Variants in PCDH15 observed in about 807,000 individuals in gnomAD.
PCDH15 encodes the protein protocadherin-15.
Under a neutral mutation model 178.5 loss-of-function variants are expected in PCDH15, and 129 were observed. The ratio of observed to expected loss-of-function variants is 0.72; its 90% CI spans 0.63 to 0.84. The LOEUF is 0.84. Ranked by LOEUF, PCDH15 falls within the 40% of genes least tolerant of loss-of-function variation. The pLI is 0.00. For missense variants in PCDH15, 2,230 were observed against 2,099.9 expected, an observed-to-expected ratio of 1.06 and a Z score of -1.21; for synonymous variants, 800 against 732.0, an observed-to-expected ratio of 1.09 and a Z score of -1.50.
chr10:54,660,007 A>G (rs2094466523), intron 2 of PCDH15, among the ~76,000 whole-genome samples: 1 of 152,110 alleles, frequency 6.6e-6, no homozygotes, highest in Non-Finnish European at 1.5e-5. Context: ...TAATAATCCA[A>G]TATCATACAT....
chr10:54,945,089 T>A (rs1052168815), intron 2 of PCDH15, among the ~76,000 whole-genome samples: 1 of 151,878 alleles, frequency 6.6e-6, no homozygotes, highest in Admixed American at 6.6e-5. Context: ...TTTGCATCAG[T>A]GGAATTTTTC....
chr10:53,994,249 A>G (rs1221867116), intron 21 of PCDH15, among the ~76,000 whole-genome samples: 1 of 152,192 alleles, frequency 6.6e-6, no homozygotes, highest in Non-Finnish European at 1.5e-5. Flanking sequence ...GGTCTGTCCC[A>G]TGTAGGTGAA....
At chr10:55,272,678 C>T (rs764743525) in intron 1 of PCDH15, among the ~76,000 whole-genome samples, 26 of 152,078 alleles carry the variant, frequency 1.7e-4, no homozygotes, top group East Asian at 1.4e-3. Flanking sequence ...TGAGCTTCTG[C>T]GCCTGGCCTA....
Position 55,473,817 on chromosome 10 carries a change from A to G in PCDH15, c.-156+153808T>C, listed in dbSNP as rs11004881. Among the ~76,000 whole-genome samples, 358 of 152,316 alleles carry G rather than the reference A, an allele frequency of 2.4e-3. 8 individuals carry two copies. In the East Asian group the frequency reaches 0.056, roughly 24 times the overall value. On this transcript the variant is annotated intron_variant, in intron 2 of 5. Coordinates refer to the PCDH15 transcript ENST00000613346. ...CTTGTTGAACACTTTTAAAAGTCAA[A>G]CAATAAAGCTAATATTTATTAAGAA... is the stretch of plus-strand genomic sequence containing the variant.
At chr10:54,692,185 T>C (rs541293998) in intron 1 of PCDH15, among the ~76,000 whole-genome samples, 44 of 152,272 alleles carry the variant, frequency 2.9e-4, no homozygotes, top group African/African-American at 1.0e-3. Flanking sequence ...ACTGAAATTG[T>C]AGAGTTCATT....
At chr10:54,884,095 C>T (rs937597723) in intron 3 of PCDH15, among the ~76,000 whole-genome samples, 14 of 151,920 alleles carry the variant, frequency 9.2e-5, no homozygotes, top group African/African-American at 2.7e-4. Context: ...CAAAACGGTA[C>T]AACTGCACAC....
At chr10:53,869,064 T>C (rs1159394760) in intron 26 of PCDH15, among the ~76,000 whole-genome samples, 2 of 152,138 alleles carry the variant, frequency 1.3e-5, no homozygotes, top group Non-Finnish European at 2.9e-5. Flanking sequence ...CATCTTGGCC[T>C]ACCAAAGTGC....
chr10:55,526,036 T>A (rs1158789565), intron 2 of PCDH15, among the ~76,000 whole-genome samples: 2 of 152,004 alleles, frequency 1.3e-5, no homozygotes, highest in Admixed American at 6.6e-5. Context: ...ATAGTTAACC[T>A]AATTTCATAT....
At chr10:54,026,352 G>C (rs1451957664) in intron 18 of PCDH15, among the ~76,000 whole-genome samples, 1 of 152,122 alleles carries the variant, frequency 6.6e-6, no homozygotes, top group East Asian at 1.9e-4. Context: ...TTACAGGCAT[G>C]AGCCATCTCA....
intron 1 of PCDH15, among the ~76,000 whole-genome samples, chr10:54,728,208 C>T (rs117969978): frequency 0.12 from 18,420 of 151,382 alleles, 1,244 homozygotes; most frequent in African/African-American, 0.17. Context: ...CTGAATCCAG[C>T]AGCATATCAA....
intron 2 of PCDH15, among the ~76,000 whole-genome samples, chr10:54,582,374 C>A (rs2091116846): frequency 2.6e-5 from 4 of 152,034 alleles, no homozygotes; most frequent in Admixed American, 2.6e-4. Flanking sequence ...ATGATAATTT[C>A]ATTGAATCTG....
chr10:55,260,797 A>G (rs1842129797), intron 1 of PCDH15, among the ~76,000 whole-genome samples: 1 of 152,220 alleles, frequency 6.6e-6, no homozygotes, highest in Admixed American at 6.5e-5. Flanking sequence ...ATAGATAAGC[A>G]AAATCTTTCT....
intron 16 of PCDH15, among the ~76,000 whole-genome samples, chr10:54,084,903 A>G (rs192116512): frequency 1.1e-4 from 16 of 152,272 alleles, no homozygotes; most frequent in African/African-American, 3.9e-4. Flanking sequence ...AGGCTTTACA[A>G]TGATATTTAA....
chr10:55,540,969 A>G (rs1841745631), intron 2 of PCDH15, among the ~76,000 whole-genome samples: 1 of 152,026 alleles, frequency 6.6e-6, no homozygotes, highest in Non-Finnish European at 1.5e-5. Flanking sequence ...CTCACTGCCG[A>G]TATTAAACCA....
chr10:54,013,183 A>G (rs1349595395), intron 20 of PCDH15, among the ~76,000 whole-genome samples: 1 of 152,204 alleles, frequency 6.6e-6, no homozygotes, highest in Non-Finnish European at 1.5e-5. Flanking sequence ...CATAATGGTA[A>G]AGGATACAAT....
chr10:55,069,713 T>C (rs1375366336), intron 2 of PCDH15, among the ~76,000 whole-genome samples: 2 of 144,282 alleles, frequency 1.4e-5, no homozygotes, highest in Non-Finnish European at 1.5e-5. Context: ...GTCTTTGCTA[T>C]TGTGAATAGT....
intron 3 of PCDH15, among the ~76,000 whole-genome samples, chr10:54,813,367 A>C (rs1038653930): frequency 1.3e-5 from 2 of 152,146 alleles, no homozygotes; most frequent in Non-Finnish European, 2.9e-5. Context: ...CCATGTGGTT[A>C]TACCAGAAAC....
At chr10:54,309,837 A>T (rs962231194) in intron 8 of PCDH15, among the ~76,000 whole-genome samples, 1 of 152,058 alleles carries the variant, frequency 6.6e-6, no homozygotes, top group Non-Finnish European at 1.5e-5. Flanking sequence ...TGTGAAGCCA[A>T]TGGGTTTCAA....
chr10:53,986,698 A>T (rs377025536), intron 21 of PCDH15, among the ~76,000 whole-genome samples: 1 of 152,240 alleles, frequency 6.6e-6, no homozygotes, highest in South Asian at 2.1e-4. Flanking sequence ...TCTTGAGGAC[A>T]TTATGGTAAG....
Sources: allele counts gnomAD v4.1 joint callset (sites outside exome capture counted in the v4.1 genomes callset), GRCh38; gene constraint gnomAD v4.1.1; transcripts MANE v1.5; gene names NCBI Gene and HGNC (gene_info 2026-07-23, HGNC 2026-07-21).